The following EFCAB14 variants were observed in gnomAD, a reference collection of about 807,000 sequenced individuals.
The protein encoded by EFCAB14 is EF-hand calcium binding domain 14.
In EFCAB14, 43 loss-of-function variants were observed where a neutral mutation model predicts 56.5. The observed-to-expected ratio is 0.76, with a 90% CI of 0.60 to 0.98. The LOEUF (loss-of-function observed/expected upper bound fraction) is 0.98. Ranked by LOEUF, EFCAB14 falls within the 50% of genes least tolerant of loss-of-function variation. The probability of loss-of-function intolerance (pLI) is 0.00; values close to 1 mark genes in which losing one functional copy is unlikely to be tolerated. For synonymous variants in EFCAB14, 235 were observed against 212.9 expected, an observed-to-expected ratio of 1.10 and a Z score of -0.90; for missense variants, 538 against 580.3, an observed-to-expected ratio of 0.93 and a Z score of 0.75.
At chr1:46,701,462 C>G (rs904753174) in intron 3 of EFCAB14, among the ~76,000 whole-genome samples, 1 of 152,218 alleles carries the variant, frequency 6.6e-6, no homozygotes, top group Non-Finnish European at 1.5e-5. Context: ...CTGGCCAGAT[C>G]CTAAAGGAAG....
At chr1:46,692,360 A>G (rs1677006369) in intron 4 of EFCAB14, among the ~76,000 whole-genome samples, 1 of 152,214 alleles carries the variant, frequency 6.6e-6, no homozygotes. Context: ...GCTCATGGAC[A>G]TTTAGGCTGT....
At chr1:46,700,976 A>AGAAT (rs1557446927) in intron 3 of EFCAB14, among the ~76,000 whole-genome samples, 1 of 120,912 alleles carries the variant, frequency 8.3e-6, no homozygotes, top group African/African-American at 3.2e-5. Context: ...AGAGAGAGAG[A>AGAAT]GAGTGAGTGA....
rs756759876 is a variant in EFCAB14 at position 46,702,703 on chromosome 1, C to T, written c.480+5203G>A. On this transcript the variant is annotated intron_variant, in intron 3 of 10. Coordinates refer to ENST00000371933, the MANE Select transcript of EFCAB14 (RefSeq NM_014774.3). The stretch of plus-strand genomic sequence containing the variant: ...TCATCGTTATCATCATCATTGCCAT[C>T]GTTTTCTTTATCATCATGCTTAAGG... Among the ~76,000 whole-genome samples the T allele has an allele frequency of 1.0e-3, 157 of 151,890 alleles. 5 individuals are homozygous for T. Among genetic ancestry groups the T allele is most frequent in the Non-Finnish European group, 2.2e-4 (15 of 68,024 alleles).
rs1350852155 is a variant in EFCAB14 at position 46,677,857 on chromosome 1, C to A, written c.*604G>T. 6.6e-6 allele frequency: 1 copy of A among 152,534 alleles called. No individual in the cohort carries two copies. The highest frequency in any genetic ancestry group is 1.5e-5 in the Non-Finnish European group (1 of 68,082). The allele number at this position is 152,534 out of a possible 1,614,324, so 9.4% of individuals were successfully genotyped here. ...TACCAGGACAAACCCCCTGGCAGCG[C>A]CTGGGCCTTTGAGGGATACCTTATG... On this transcript the variant is annotated 3_prime_UTR_variant, in exon 11 of 11. Coordinates refer to ENST00000371933, the MANE Select transcript of EFCAB14 (RefSeq NM_014774.3).
At chr1:46,684,267 C>T in intron 9 of EFCAB14, 1 of 505,794 alleles carries the variant, frequency 2.0e-6, no homozygotes, top group South Asian at 2.9e-5. Context: ...AATTCTATTT[C>T]CAGCTAAACA....
intron 2 of EFCAB14, among the ~76,000 whole-genome samples, chr1:46,708,263 A>T (rs1677261364): frequency 6.6e-6 from 1 of 152,252 alleles, no homozygotes; most frequent in African/African-American, 2.4e-5. Context: ...TTTAAAAGTT[A>T]GCCAACTAAA....
intron 8 of EFCAB14, among the ~76,000 whole-genome samples, chr1:46,686,382 ACTGT>A (rs764581090): frequency 1.9e-4 from 29 of 152,230 alleles, no homozygotes; most frequent in Non-Finnish European, 4.1e-4. Flanking sequence ...CAGATAACTT[ACTGT>A]CTTAGTGTAA....
chr1:46,702,072 C>A (rs1677167059), intron 3 of EFCAB14, among the ~76,000 whole-genome samples: 1 of 152,188 alleles, frequency 6.6e-6, no homozygotes, highest in South Asian at 2.1e-4. Flanking sequence ...CTTTGGAATT[C>A]AGAGTCTAAA....
intron 4 of EFCAB14, among the ~76,000 whole-genome samples, chr1:46,693,530 T>C (rs544678344): frequency 2.0e-5 from 3 of 152,146 alleles, no homozygotes; most frequent in Non-Finnish European, 4.4e-5. Flanking sequence ...GCTGGTTTGC[T>C]ATCTATGTAA....
At position 46,694,026 on chromosome 1, in the gene EFCAB14, T is replaced by C. The variant is rs537476256; in HGVS notation, c.580-2089A>G. 1.4e-4 allele frequency among the ~76,000 whole-genome samples: 21 copies of C among 152,368 alleles called. No homozygotes were observed. In the East Asian group the frequency reaches 2.9e-3, roughly 21 times the overall value. ...GTGCTGGGAAAACTGGCTAGCCATA[T>C]GTAGAAAGCTGAAACTGGATCCCTT... On this transcript the variant is annotated intron_variant, in intron 4 of 10. Coordinates refer to ENST00000371933, the MANE Select transcript of EFCAB14 (RefSeq NM_014774.3).
At chr1:46,708,160 T>C in intron 2 of EFCAB14, 109 bp from the exon 3 acceptor site, 2 of 1,059,910 alleles carry the variant, frequency 1.9e-6, no homozygotes, top group South Asian at 4.0e-5. Context: ...TAAAAGTTAA[T>C]TCTGACATTG....
In EFCAB14 at chr1:46,684,693, G is replaced by C. The variant is rs188449602; in HGVS notation, c.1075-91C>G. On this transcript the variant is annotated intron_variant, in intron 8 of 10. Coordinates refer to ENST00000371933, the MANE Select transcript of EFCAB14 (RefSeq NM_014774.3). Reference sequence around the variant, plus strand: ...ATTCCCAGAGCCTGTTTAGCATGTAGTGTTTGACCCTCAGTAGGTTCCCTA... The same window carrying C: ...ATTCCCAGAGCCTGTTTAGCATGTACTGTTTGACCCTCAGTAGGTTCCCTA... 5.5e-5 allele frequency: 57 copies of C among 1,039,376 alleles called. No individual in the cohort carries two copies. The African/African-American group carries it at 8.3e-4, about 15-fold the overall frequency. The allele number at this position is 1,039,376 out of a possible 1,614,324, so 64.4% of individuals were successfully genotyped here.
intron 1 of EFCAB14, among the ~76,000 whole-genome samples, chr1:46,716,779 ATT>A (rs1328562889): frequency 1.3e-5 from 2 of 152,232 alleles, no homozygotes; most frequent in Non-Finnish European, 2.9e-5. Context: ...TTTCTCTGCA[ATT>A]CCATCTCTGC....
chr1:46,682,464 A>G (rs2148837826), intron 10 of EFCAB14, among the ~76,000 whole-genome samples: 1 of 152,314 alleles, frequency 6.6e-6, no homozygotes, highest in South Asian at 2.1e-4. Context: ...CCTTTGTACT[A>G]ATATTTTGCT....
At chr1:46,717,701 T>C (rs1677419112) in intron 1 of EFCAB14, among the ~76,000 whole-genome samples, 1 of 152,218 alleles carries the variant, frequency 6.6e-6, no homozygotes, top group South Asian at 2.1e-4. Context: ...CTTTTCTTTC[T>C]ACACCTAAAG....
At chr1:46,711,050 C>T (rs1677301327) in intron 2 of EFCAB14, among the ~76,000 whole-genome samples, 1 of 152,112 alleles carries the variant, frequency 6.6e-6, no homozygotes, top group Admixed American at 6.6e-5. Context: ...CTGTTGGACA[C>T]CTAGGTTGAT....
intron 10 of EFCAB14, among the ~76,000 whole-genome samples, chr1:46,680,427 A>G (rs1676774515): frequency 1.3e-5 from 2 of 152,244 alleles, no homozygotes; most frequent in African/African-American, 4.8e-5. Context: ...AGACCATAAA[A>G]ACATTATGCT....
At chr1:46,713,976 C>CT (rs1557451941) in intron 2 of EFCAB14, among the ~76,000 whole-genome samples, 1 of 152,130 alleles carries the variant, frequency 6.6e-6, no homozygotes, top group East Asian at 1.9e-4. Flanking sequence ...ATATCATACT[C>CT]TAAAAATTGG....
chr1:46,715,083 C>T (rs886180378), intron 2 of EFCAB14, among the ~76,000 whole-genome samples: 3 of 152,082 alleles, frequency 2.0e-5, no homozygotes, highest in Admixed American at 6.5e-5. Context: ...TGAAAGAGAT[C>T]GTGTTACTAG....
Sources: allele counts gnomAD v4.1 joint callset (sites outside exome capture counted in the v4.1 genomes callset), GRCh38; gene constraint gnomAD v4.1.1; transcripts MANE v1.5; gene names NCBI Gene and HGNC (gene_info 2026-07-23, HGNC 2026-07-21).